Variants in ITGA9 observed in about 807,000 individuals in gnomAD.
ITGA9 encodes the protein integrin alpha-9.
Under a neutral mutation model 127.8 loss-of-function variants are expected in ITGA9, and 56 were observed. The ratio of observed to expected loss-of-function variants is 0.44; its 90% CI spans 0.35 to 0.55. The LOEUF is 0.55. Ranked by LOEUF, ITGA9 falls within the 20% of genes least tolerant of loss-of-function variation. The pLI, the probability that ITGA9 is intolerant of heterozygous loss-of-function variation, is 0.00. For synonymous variants in ITGA9, 508 were observed against 514.5 expected (o/e 0.99, Z 0.17); for missense variants, 1,196 against 1,347.1 (o/e 0.89, Z 1.76).
rs542425289 is a variant in ITGA9 at position 37,779,698 on chromosome 3, AAAGGCATG to A, written c.2668-203_2668-196del. On this transcript the variant is annotated intron_variant, in intron 24 of 27. Transcript: ENST00000264741. Reference sequence around the variant, plus strand: ...CTGTTTTCTCCCAGTTGCTTGACTTAAAGGCATGCTCTGGTTCCCACTGGGTGGGAAAT... The same window carrying A: ...CTGTTTTCTCCCAGTTGCTTGACTTACTCTGGTTCCCACTGGGTGGGAAAT... Among the ~76,000 whole-genome samples the A allele has an allele frequency of 3.3e-5, 5 of 152,174 alleles. No homozygotes were observed. In the South Asian group the frequency reaches 1.0e-3, roughly 31 times the overall value.
chr3:37,527,187 C>G (rs1047238984), intron 13 of ITGA9, among the ~76,000 whole-genome samples: 3 of 152,208 alleles, frequency 2.0e-5, no homozygotes, highest in African/African-American at 7.2e-5. Flanking sequence ...TAAATCCATT[C>G]TAAGTCAAAA....
Position 37,727,290 on chromosome 3 carries a change from T to C in ITGA9, c.2068-5422T>C, listed in dbSNP as rs142945163. Reference sequence around the variant, plus strand: ...GGGACTATCTGTATGGTAGTAGAAATTTTTAATTGAATCTTCTGTAATCTT... The same window carrying C: ...GGGACTATCTGTATGGTAGTAGAAACTTTTAATTGAATCTTCTGTAATCTT... On this transcript the variant is annotated intron_variant, in intron 18 of 27. Transcript: ENST00000264741. 3.2e-4 allele frequency among the ~76,000 whole-genome samples: 48 copies of C among 152,334 alleles called. 1 individual carries two copies. In the East Asian group the frequency reaches 8.9e-3, roughly 28 times the overall value.
chr3:37,745,167 G>A (rs1195959170), intron 22 of ITGA9, among the ~76,000 whole-genome samples: 6 of 152,214 alleles, frequency 3.9e-5, no homozygotes, highest in African/African-American at 1.4e-4. Flanking sequence ...CAGGGTGAGG[G>A]TCTAGAGAAT....
chr3:37,706,446 G>A (rs1701006523), intron 18 of ITGA9, among the ~76,000 whole-genome samples: 1 of 152,184 alleles, frequency 6.6e-6, no homozygotes, highest in South Asian at 2.1e-4. Context: ...TATTTGAGTA[G>A]CGCCCCAGAA....
intron 16 of ITGA9, among the ~76,000 whole-genome samples, chr3:37,640,865 GT>G (rs1700326435): frequency 6.6e-6 from 1 of 152,172 alleles, no homozygotes; most frequent in Admixed American, 6.5e-5. Context: ...CTGGGTGGTG[GT>G]GGGATTACAT....
At chr3:37,489,783 G>A (rs2125562981) in intron 4 of ITGA9, among the ~76,000 whole-genome samples, 1 of 147,060 alleles carries the variant, frequency 6.8e-6, no homozygotes, top group East Asian at 2.0e-4. Context: ...TTGCCACTCT[G>A]TTAGAAACAA....
At chr3:37,490,158 G>A (rs1006301139) in intron 4 of ITGA9, among the ~76,000 whole-genome samples, 3 of 152,174 alleles carry the variant, frequency 2.0e-5, no homozygotes, top group Non-Finnish European at 2.9e-5. Context: ...TCAAGATGGA[G>A]CAGGTAACCA....
intron 1 of ITGA9, among the ~76,000 whole-genome samples, chr3:37,460,247 C>A (rs1359322004): frequency 1.3e-5 from 2 of 152,202 alleles, no homozygotes; most frequent in Non-Finnish European, 2.9e-5. Flanking sequence ...CAGAGTCAAA[C>A]TTCTGCACCA....
At chr3:37,676,639 A>G (rs1700684997) in intron 17 of ITGA9, among the ~76,000 whole-genome samples, 2 of 152,234 alleles carry the variant, frequency 1.3e-5, no homozygotes, top group African/African-American at 4.8e-5. Flanking sequence ...ATTTTTTAAT[A>G]TCTTCACTTT....
chr3:37,756,466 A>C (rs1382952470), intron 23 of ITGA9, among the ~76,000 whole-genome samples: 1 of 152,198 alleles, frequency 6.6e-6, no homozygotes, highest in African/African-American at 2.4e-5. Flanking sequence ...TATTTGAATA[A>C]TGCAACTAGA....
intron 18 of ITGA9, among the ~76,000 whole-genome samples, chr3:37,692,613 A>C (rs142085821): frequency 1.4e-4 from 21 of 152,270 alleles, no homozygotes; most frequent in African/African-American, 4.3e-4. Flanking sequence ...GATTTTTTTA[A>C]AATAATGCTT....
chr3:37,452,480 C>T lies in ITGA9; in HGVS notation c.106C>T (p.Arg36Cys). 4.0e-6 allele frequency: 6 copies of T among 1,510,288 alleles called. No individual in the cohort carries two copies. Among genetic ancestry groups the T allele is most frequent in the Non-Finnish European group, 5.3e-6 (6 of 1,128,790 alleles). 93.6% of individuals were successfully genotyped at this position (1,510,288 alleles called of 1,614,324 possible). A position where few individuals can be genotyped will look rare whatever the true frequency, so the allele number is the denominator to read the frequency against. Reference sequence around the variant, plus strand: ...GGGCGCCTACAACCTCGACCCGCAGCGCCCCGTGCACTTCCAGGGCCCCGC... The same window carrying T: ...GGGCGCCTACAACCTCGACCCGCAGTGCCCCGTGCACTTCCAGGGCCCCGC... ...PAGAYNLDPQ[R>C]PVHFQGPADS... The change falls in exon 1 of 28, where the codon CGC becomes TGC. Residue 36 changes from arginine (R) to cysteine (C), a missense_variant. Physicochemically the swap from Arg to Cys is radical, Grantham distance 180 (BLOSUM62 -3). Transcript: ENST00000264741. This position sits in a 1 kb window ranked among gnomAD's most constrained non-coding sequence, Gnocchi z 7.3.
intron 18 of ITGA9, among the ~76,000 whole-genome samples, chr3:37,700,910 G>A (rs6550501): frequency 0.24 from 36,315 of 152,094 alleles, 6,519 homozygotes; most frequent in African/African-American, 0.5. Context: ...CTTATCTCCC[G>A]GAAAAGGGAA....
intron 15 of ITGA9, among the ~76,000 whole-genome samples, chr3:37,620,723 T>C (rs1700119623): frequency 6.6e-6 from 1 of 152,128 alleles, no homozygotes; most frequent in South Asian, 2.1e-4. Flanking sequence ...CTTCACCAAC[T>C]GAGAAGGTGC....
chr3:37,600,681 C>T (rs1361298357), intron 15 of ITGA9, among the ~76,000 whole-genome samples: 3 of 152,204 alleles, frequency 2.0e-5, no homozygotes, highest in Non-Finnish European at 4.4e-5. Context: ...ATCTACAACT[C>T]CTCAGAGCCA....
chr3:37,691,209 G>T (rs955851322), intron 18 of ITGA9, among the ~76,000 whole-genome samples: 3 of 152,190 alleles, frequency 2.0e-5, no homozygotes, highest in African/African-American at 7.2e-5. Flanking sequence ...ACCAGCCTCT[G>T]CCAGAGAGGC....
chr3:37,540,428 G>T (rs1222273440), intron 14 of ITGA9, among the ~76,000 whole-genome samples: 4 of 152,254 alleles, frequency 2.6e-5, no homozygotes, highest in African/African-American at 9.6e-5. Context: ...GTGATCAGTA[G>T]AAAGTAAATT....
At chr3:37,703,884 G>A (rs1053412184) in intron 18 of ITGA9, among the ~76,000 whole-genome samples, 16 of 152,166 alleles carry the variant, frequency 1.1e-4, no homozygotes, top group Non-Finnish European at 2.1e-4. Flanking sequence ...AGCTTAAGGA[G>A]GTGACTCAAC....
intron 26 of ITGA9, among the ~76,000 whole-genome samples, chr3:37,788,680 G>A (rs554395572): frequency 5.9e-5 from 9 of 152,108 alleles, no homozygotes; most frequent in South Asian, 2.1e-4. Flanking sequence ...TGGATGAAGC[G>A]GCAATTTCTC....
Sources: gnomAD v4.1 joint callset for allele counts (sites outside exome capture counted in the v4.1 genomes callset) on GRCh38, gnomAD v4.1.1 for gene constraint, Gnocchi (gnomAD v3.1) non-coding constraint, MANE v1.5 for transcripts, NCBI Gene and HGNC (gene_info 2026-07-23, HGNC 2026-07-21) for gene names.